HS6ST3: variants seen among roughly 807,000 people sequenced by gnomAD.
HS6ST3 encodes the protein heparan sulfate 6-O-sulfotransferase 3.
In HS6ST3, 12 loss-of-function variants were observed where a neutral mutation model predicts 36.7. The observed-to-expected ratio is 0.33, with a 90% confidence interval of 0.21 to 0.53. The LOEUF is 0.53. Ranked by LOEUF, HS6ST3 falls within the 20% of genes least tolerant of loss-of-function variation. The pLI is 0.95. For synonymous variants in HS6ST3, 240 were observed against 257.5 expected, an observed-to-expected ratio of 0.93 and a Z score of 0.65; for missense variants, 584 against 640.9, an observed-to-expected ratio of 0.91 and a Z score of 0.96.
At chr13:96,404,594 G>A (rs1394060008) in intron 1 of HS6ST3, among the ~76,000 whole-genome samples, 1 of 152,206 alleles carries the variant, frequency 6.6e-6, no homozygotes, top group Non-Finnish European at 1.5e-5. Context: ...ATATAGGAAG[G>A]AAAGTTTGGA....
chr13:96,294,613 A>G (rs114837228), intron 1 of HS6ST3, among the ~76,000 whole-genome samples: 1,743 of 152,220 alleles, frequency 0.011, 36 homozygotes, highest in African/African-American at 0.04. Context: ...CTTAAATAGA[A>G]CAATATAGGT....
intron 1 of HS6ST3, among the ~76,000 whole-genome samples, chr13:96,629,672 T>A (rs2056525131): frequency 6.6e-6 from 1 of 152,216 alleles, no homozygotes; most frequent in Non-Finnish European, 1.5e-5. Context: ...TTCTTTATTT[T>A]CAATGTTATG....
chr13:96,832,389 C>A, intron 1 of HS6ST3, 101 bp from the exon 2 acceptor site: 1 of 818,092 alleles, frequency 1.2e-6, no homozygotes, highest in Non-Finnish European at 1.9e-6. Context: ...GAACATTTGG[C>A]AAAGAGTCCC....
intron 1 of HS6ST3, among the ~76,000 whole-genome samples, chr13:96,480,625 C>T (rs982633362): frequency 1.3e-5 from 2 of 152,158 alleles, no homozygotes; most frequent in Non-Finnish European, 2.9e-5. Context: ...GAAAACAGCA[C>T]CAATGATATC....
At chr13:96,339,411 C>T (rs1343049971) in intron 1 of HS6ST3, among the ~76,000 whole-genome samples, 1 of 152,284 alleles carries the variant, frequency 6.6e-6, no homozygotes, top group East Asian at 1.9e-4. Context: ...TTATCAGGAT[C>T]TCTCATATTC....
chr13:96,434,005 T>A (rs1208774742), intron 1 of HS6ST3, among the ~76,000 whole-genome samples: 1 of 152,120 alleles, frequency 6.6e-6, no homozygotes, highest in Non-Finnish European at 1.5e-5. Context: ...TTATGCAGCA[T>A]GAGAACAGAC....
chr13:96,757,492 A>G (rs533427517), intron 1 of HS6ST3, among the ~76,000 whole-genome samples: 1 of 152,144 alleles, frequency 6.6e-6, no homozygotes, highest in South Asian at 2.1e-4. Context: ...TTTTACTTAC[A>G]TTGTTGTATT....
intron 1 of HS6ST3, among the ~76,000 whole-genome samples, chr13:96,217,604 C>T (rs539194465): frequency 2.0e-4 from 31 of 152,260 alleles, no homozygotes; most frequent in Middle Eastern, 3.4e-3. Flanking sequence ...TTTAATTTTA[C>T]AAATGAATAA....
At chr13:96,723,425 C>T (rs953524608) in intron 1 of HS6ST3, among the ~76,000 whole-genome samples, 2 of 152,160 alleles carry the variant, frequency 1.3e-5, no homozygotes, top group African/African-American at 4.8e-5. Context: ...CAGAGCTGAC[C>T]TCCCAGCCCT....
intron 1 of HS6ST3, among the ~76,000 whole-genome samples, chr13:96,126,471 A>C (rs1364094753): frequency 1.3e-5 from 2 of 152,126 alleles, no homozygotes; most frequent in Non-Finnish European, 2.9e-5. Context: ...AGAAAGGCAG[A>C]GTTATTAGAG....
chr13:96,633,928 C>T (rs1298471543), intron 1 of HS6ST3, among the ~76,000 whole-genome samples: 1 of 152,042 alleles, frequency 6.6e-6, no homozygotes, highest in South Asian at 2.1e-4. Context: ...CCCAATGTGA[C>T]AACATTTGGA....
intron 1 of HS6ST3, among the ~76,000 whole-genome samples, chr13:96,739,595 G>A (rs1257666589): frequency 1.3e-5 from 2 of 152,040 alleles, no homozygotes; most frequent in African/African-American, 4.8e-5. Context: ...TCCAAGCCAT[G>A]GTCTGTTCTT....
At chr13:96,183,909 A>G (rs1020023299) in intron 1 of HS6ST3, among the ~76,000 whole-genome samples, 10 of 152,102 alleles carry the variant, frequency 6.6e-5, no homozygotes, top group African/African-American at 1.9e-4. Flanking sequence ...ACACTTAGAA[A>G]CGGTTAAGAT....
intron 1 of HS6ST3, among the ~76,000 whole-genome samples, chr13:96,354,759 C>T (rs1371100633): frequency 6.6e-6 from 1 of 152,062 alleles, no homozygotes; most frequent in Non-Finnish European, 1.5e-5. Context: ...AATTTACTCT[C>T]AGCATTAGTA....
chr13:96,172,078 G>C (rs957206282), intron 1 of HS6ST3, among the ~76,000 whole-genome samples: 3 of 152,160 alleles, frequency 2.0e-5, no homozygotes, highest in Non-Finnish European at 4.4e-5. Context: ...GACATAGATT[G>C]AAAGAAAAAA....
At chr13:96,623,075 T>A (rs1362299498) in intron 1 of HS6ST3, among the ~76,000 whole-genome samples, 1 of 152,216 alleles carries the variant, frequency 6.6e-6, no homozygotes, top group Non-Finnish European at 1.5e-5. Context: ...TTTATTTATC[T>A]GCTGACTCTC....
intron 1 of HS6ST3, among the ~76,000 whole-genome samples, chr13:96,218,445 G>A (rs1172522671): frequency 6.6e-6 from 1 of 152,182 alleles, no homozygotes; most frequent in African/African-American, 2.4e-5. Flanking sequence ...AGGGGCAGGG[G>A]AAGAGATCTG....
intron 1 of HS6ST3, among the ~76,000 whole-genome samples, chr13:96,202,355 T>G (rs1018636221): frequency 6.6e-6 from 1 of 152,224 alleles, no homozygotes; most frequent in Non-Finnish European, 1.5e-5. Flanking sequence ...CTACTATCCC[T>G]TCTGCATTCC....
intron 1 of HS6ST3, among the ~76,000 whole-genome samples, chr13:96,700,714 A>G (rs1284601973): frequency 6.6e-6 from 1 of 152,178 alleles, no homozygotes; most frequent in Non-Finnish European, 1.5e-5. Context: ...AGGAAAAATT[A>G]TCCACTGTAA....
Sources: allele counts gnomAD v4.1 joint callset (sites outside exome capture counted in the v4.1 genomes callset), GRCh38; gene constraint gnomAD v4.1.1; transcripts MANE v1.5; gene names NCBI Gene and HGNC (gene_info 2026-07-23, HGNC 2026-07-21).